The following RPS8 variants were observed in gnomAD, a reference collection of about 807,000 sequenced individuals.
RPS8 encodes small ribosomal subunit protein eS8.
For missense variants in RPS8, 141 were observed against 269.7 expected, an observed-to-expected ratio of 0.52 and a Z score of 3.34; for synonymous variants, 100 against 100.7, an observed-to-expected ratio of 0.99 and a Z score of 0.04.
Position 44,777,599 on chromosome 1 carries a change from T to A in RPS8, c.212-15T>A. 6.2e-7 allele frequency: 1 copy of A among 1,608,058 alleles called. No individual in the cohort carries two copies. The highest frequency in any genetic ancestry group is 8.5e-7 in the Non-Finnish European group (1 of 1,175,508). ...TCCTCCAGTTTACTTGATGCCAAAT[T>A]TCTCCTGTGAGCAGGTTGTACTCGT... is the stretch of plus-strand genomic sequence containing the variant. On this transcript the variant is annotated splice_polypyrimidine_tract_variant and intron_variant, in intron 3 of 5. Transcript: ENST00000396651.
At chr1:44,778,230 T>C (rs1266933366) in intron 5 of RPS8, 101 bp downstream of exon 5, 3 of 1,428,318 alleles carry the variant, frequency 2.1e-6, no homozygotes, top group Admixed American at 1.8e-5. Context: ...CCATGCAGTC[T>C]AAAGGGTTCA....
intron 5 of RPS8, 177 bp from the exon 6 acceptor site, chr1:44,778,399 T>C (rs1251140209): frequency 2.5e-6 from 2 of 808,358 alleles, no homozygotes; most frequent in Admixed American, 3.4e-5. Context: ...GTCTCAGTGA[T>C]GAAAACTTTG....
At chr1:44,777,066 G>A (rs1290479431) in intron 3 of RPS8, 1 of 315,014 alleles carries the variant, frequency 3.2e-6, no homozygotes, top group Non-Finnish European at 5.9e-6. Context: ...TCTCCACCCA[G>A]GCTGTCCTGC....
intron 4 of RPS8, 103 bp downstream of exon 4, chr1:44,777,892 A>G: frequency 6.4e-7 from 1 of 1,574,256 alleles, no homozygotes; most frequent in Admixed American, 1.7e-5. Flanking sequence ...GAGAGAGATG[A>G]GAGCCTTTTA....
At chr1:44,776,226 GCGTTCTTTCT>G (rs1298850860) in intron 2 of RPS8, 86 bp downstream of exon 2, 1 of 972,372 alleles carries the variant, frequency 1.0e-6, no homozygotes, top group Non-Finnish European at 1.5e-6. Flanking sequence ...TGACAGTTGT[GCGTTCTTTCT>G]TGGGCTCTGA....
intron 5 of RPS8, 67 bp from the exon 6 acceptor site, chr1:44,778,502 GATTCTTA>G (rs763160029): frequency 8.2e-7 from 1 of 1,225,410 alleles, no homozygotes; most frequent in East Asian, 2.3e-5. Flanking sequence ...AACCCACAGA[GATTCTTA>G]AGCGGGTGGA....
chr1:44,775,699 C>T (rs753989165), intron 1 of RPS8, 99 bp downstream of exon 1: 2 of 1,503,176 alleles, frequency 1.3e-6, no homozygotes, highest in South Asian at 1.1e-5. Context: ...CGCCCCGACC[C>T]CCGGCCAGGG....
chr1:44,778,423 C>CT, intron 5 of RPS8, 153 bp from the exon 6 acceptor site: 1 of 817,314 alleles, frequency 1.2e-6, no homozygotes, highest in Non-Finnish European at 2.2e-6. Context: ...AGTTCTGCTA[C>CT]TGACAGTAAG....
In RPS8 at chr1:44,778,761, G is replaced by A; in HGVS notation, c.*76G>A. On this transcript the variant is annotated 3_prime_UTR_variant, in exon 6 of 6. Coordinates refer to ENST00000396651, the MANE Select transcript of RPS8 (RefSeq NM_001012.2). ...CCACATTTATGTTGCCTGAATATATGACTGTTTTCTCTGCTTTATTTCCTT... is the reference window on the plus strand; with the variant it reads ...CCACATTTATGTTGCCTGAATATATAACTGTTTTCTCTGCTTTATTTCCTT... 1 of 1,037,202 alleles carries A rather than the reference G, an allele frequency of 9.6e-7. No homozygotes were observed. Among genetic ancestry groups the A allele is most frequent in the Non-Finnish European group, 1.4e-6 (1 of 702,878 alleles). 64.2% of individuals were successfully genotyped at this position (1,037,202 alleles called of 1,614,324 possible).
chr1:44,778,037 C>A lies in RPS8; in HGVS notation c.425C>A (p.Ser142Tyr). ...GAAGAGATTTTAAACAAAAAACGATCTAAAAAAATTCAGAAGAAATATGAT... is the reference window on the plus strand; with the variant it reads ...GAAGAGATTTTAAACAAAAAACGATATAAAAAAATTCAGAAGAAATATGAT... ...EEEEILNKKR[S>Y]KKIQKKYDER... The change falls in exon 5 of 6, where the codon TCT becomes TAT. Residue 142 changes from serine (S) to tyrosine (Y), a missense_variant. Coordinates refer to ENST00000396651, the MANE Select transcript of RPS8 (RefSeq NM_001012.2). 1 of 1,613,608 alleles carries A rather than the reference C, an allele frequency of 6.2e-7. No individual in the cohort carries two copies.
intron 1 of RPS8, 46 bp from the exon 2 acceptor site, chr1:44,775,988 A>T: frequency 1.3e-6 from 2 of 1,572,884 alleles, no homozygotes; most frequent in East Asian, 2.2e-5. Flanking sequence ...AGTCGCTAGC[A>T]CCGAGTCACA....
At chr1:44,776,176 C>T in intron 2 of RPS8, 36 bp downstream of exon 2, 1 of 1,425,442 alleles carries the variant, frequency 7.0e-7, no homozygotes, top group East Asian at 2.3e-5. Flanking sequence ...CCTGGGAGGT[C>T]GCCTTCCCCC....
intron 2 of RPS8, 32 bp from the exon 3 acceptor site, chr1:44,776,643 T>A: frequency 6.3e-7 from 1 of 1,593,160 alleles, no homozygotes; most frequent in Non-Finnish European, 8.6e-7. Context: ...CTCTCCTTGG[T>A]AACCTAGTTC....
chr1:44,777,711 C>G lies in RPS8; in HGVS notation c.309C>G (p.Leu103=), dbSNP rs773875567. 3 of 1,614,056 alleles carry G rather than the reference C, an allele frequency of 1.9e-6. No homozygotes were observed. The highest frequency in any genetic ancestry group is 2.2e-5 in the South Asian group (2 of 91,074). ...TKTLVKNCIV[L]IDSTPYRQWY... is the part of the protein sequence containing the mutation. ...CCCTGGTGAAGAATTGCATCGTGCT[C>G]ATCGACAGCACACCGTACCGACAGT... The change falls in exon 4 of 6, where the codon CTC becomes CTG. Residue 103 remains leucine, a synonymous_variant. Transcript: ENST00000396651.
intron 5 of RPS8, 86 bp downstream of exon 5, chr1:44,778,215 GC>G: frequency 6.6e-7 from 1 of 1,512,884 alleles, no homozygotes; most frequent in Non-Finnish European, 9.1e-7. Flanking sequence ...TCCTTTGACT[GC>G]CAGCCATGCA....
At chr1:44,778,272 G>A (rs1650930819) in intron 5 of RPS8, 143 bp downstream of exon 5, 4 of 1,057,372 alleles carry the variant, frequency 3.8e-6, no homozygotes, top group African/African-American at 1.6e-5. Context: ...AAAGGGGAAC[G>A]TTTGGTCACC....
rs752511392 is a variant in RPS8 at position 44,776,538 on chromosome 1, G to A, written c.112-137G>A. 9.9e-6 allele frequency: 8 copies of A among 806,704 alleles called. No individual in the cohort carries two copies. The Admixed American group carries it at 1.4e-4, about 14-fold the overall frequency. The allele number at this position is 806,704 out of a possible 1,614,324, so 50.0% of individuals were successfully genotyped here. On this transcript the variant is annotated intron_variant, in intron 2 of 5. Coordinates refer to ENST00000396651, the MANE Select transcript of RPS8 (RefSeq NM_001012.2). ...CTTAGGCGTGGTTGTGGCCGTCTTG[G>A]TCACCTGTGTGCCACTTGCCAATGC...
chr1:44,777,960 C>T, intron 4 of RPS8, 40 bp from the exon 5 acceptor site: 4 of 1,612,832 alleles, frequency 2.5e-6, no homozygotes, highest in Non-Finnish European at 3.4e-6. Context: ...CAGGGCCTGC[C>T]TTCCTTCCCT....
chr1:44,776,601 C>T lies in RPS8; in HGVS notation c.112-74C>T, dbSNP rs763235891. On this transcript the variant is annotated intron_variant, in intron 2 of 5. Coordinates refer to ENST00000396651, the MANE Select transcript of RPS8 (RefSeq NM_001012.2). Reference sequence around the variant, plus strand: ...TAGTTACACTGACTGTTGCCTCCTCCCGGCCCAGGTTCCTCTCCCTCACTT... The same window carrying T: ...TAGTTACACTGACTGTTGCCTCCTCTCGGCCCAGGTTCCTCTCCCTCACTT... The T allele has an allele frequency of 7.8e-6, 10 of 1,280,348 alleles. No individual in the cohort carries two copies. In the Admixed American group the frequency reaches 1.3e-4, roughly 17 times the overall value. 79.3% of individuals were successfully genotyped at this position (1,280,348 alleles called of 1,614,324 possible). A position where few individuals can be genotyped will look rare whatever the true frequency, so the allele number is the denominator to read the frequency against.
Sources: allele counts gnomAD v4.1 joint callset, GRCh38; gene constraint gnomAD v4.1.1; transcripts MANE v1.5; gene names NCBI Gene and HGNC (gene_info 2026-07-23, HGNC 2026-07-21).